The following ANO2 variants were observed in gnomAD, a reference collection of about 807,000 sequenced individuals.
ANO2 encodes anoctamin 2.
ANO2 carries 101 observed loss-of-function variants against 124.2 expected under a neutral mutation model. The observed-to-expected ratio is 0.81, with a 90% CI of 0.69 to 0.96. The LOEUF (loss-of-function observed/expected upper bound fraction) is 0.96, where lower values mean the gene tolerates loss of function less well. Among genes scored for constraint, ANO2 ranks in the 40% least tolerant of loss-of-function variants. The pLI is 0.00. For missense variants in ANO2, 1,293 were observed against 1,274.5 expected (o/e 1.01, Z -0.22); for synonymous variants, 486 against 482.5 (o/e 1.01, Z -0.09).
intron 3 of ANO2, among the ~76,000 whole-genome samples, chr12:5,903,870 T>A (rs1940496782): frequency 6.6e-6 from 1 of 152,166 alleles, no homozygotes; most frequent in Non-Finnish European, 1.5e-5. Context: ...AATGACTGAA[T>A]TAGCTCCCAC....
rs79046026 is a variant in ANO2 at position 5,884,394 on chromosome 12, G to A, written c.535-30253C>T. On this transcript the variant is annotated intron_variant, in intron 3 of 24. Transcript: ENST00000682330. Reference sequence around the variant, plus strand: ...CCCATAATTTAAAGTCTGTCCTTTCGTCCCCTTCCCCCATGGCCCTATCAC... The same window carrying A: ...CCCATAATTTAAAGTCTGTCCTTTCATCCCCTTCCCCCATGGCCCTATCAC... Among the ~76,000 whole-genome samples, 610 of 152,268 alleles carry A rather than the reference G, an allele frequency of 4.0e-3. 4 individuals are homozygous for A. Among genetic ancestry groups the A allele is most frequent in the African/African-American group, 0.014 (572 of 41,570 alleles).
chr12:5,568,713 G>T (rs964982209), intron 23 of ANO2, among the ~76,000 whole-genome samples: 1 of 152,140 alleles, frequency 6.6e-6, no homozygotes, highest in Non-Finnish European at 1.5e-5. Context: ...TTCCACCACC[G>T]TGATGCTGCG....
intron 14 of ANO2, among the ~76,000 whole-genome samples, chr12:5,690,810 C>T (rs1054639417): frequency 6.6e-6 from 1 of 152,116 alleles, no homozygotes; most frequent in African/African-American, 2.4e-5. Flanking sequence ...TCACCCCATC[C>T]TGAGCATAAA....
At chr12:5,873,510 C>T (rs903321366) in intron 3 of ANO2, among the ~76,000 whole-genome samples, 2 of 152,212 alleles carry the variant, frequency 1.3e-5, no homozygotes, top group African/African-American at 4.8e-5. Context: ...GGAATTTGGG[C>T]TGGGGCCCAT....
At chr12:5,637,062 T>TG (rs373411004) in intron 15 of ANO2, among the ~76,000 whole-genome samples, 304 of 144,364 alleles carry the variant, frequency 2.1e-3, no homozygotes, top group African/African-American at 7.2e-3. Flanking sequence ...GCCCCTCTTC[T>TG]GCTGCAGGGT....
At chr12:5,603,213 C>T (rs1388807106) in intron 19 of ANO2, among the ~76,000 whole-genome samples, 1 of 151,612 alleles carries the variant, frequency 6.6e-6, no homozygotes, top group Non-Finnish European at 1.5e-5. Flanking sequence ...AAATCATCTC[C>T]AGGAAAAAAA....
chr12:5,762,818 T>C (rs1471015502), intron 10 of ANO2, among the ~76,000 whole-genome samples: 1 of 148,786 alleles, frequency 6.7e-6, no homozygotes, highest in Non-Finnish European at 1.5e-5. Context: ...CTTGGAGTAT[T>C]GATAAGAGAT....
At chr12:5,903,848 T>C (rs917822455) in intron 3 of ANO2, among the ~76,000 whole-genome samples, 2 of 152,166 alleles carry the variant, frequency 1.3e-5, no homozygotes, top group African/African-American at 4.8e-5. Context: ...CAGCCTGGTT[T>C]AGGCTAAGAT....
intron 19 of ANO2, among the ~76,000 whole-genome samples, chr12:5,610,983 T>TTTTTTTTTGTTTTTTTTTTTG (rs1555100751): frequency 7.4e-5 from 9 of 121,656 alleles, no homozygotes; most frequent in Non-Finnish European, 1.4e-4. Context: ...TTTTTTTTTT[T>TTTTTTTTTGTTTTTTTTTTTG]TTTTTTGAGA....
chr12:5,946,199 A>G (rs151007412), upstream of ANO2: 111 of 1,613,028 alleles, frequency 6.9e-5, no homozygotes, highest in East Asian at 1.8e-3. The surrounding 1 kb of genome is among the most constrained non-coding windows in gnomAD (Gnocchi z 4.1). Context: ...TAGGCTGGTC[A>G]TGATAGATCC....
In ANO2 at chr12:5,830,507, G is replaced by T; in HGVS notation, c.786-18C>A. ...TGTTGTACCTGGAGACACCAAGAGAGCAGATGGCAAATTCATTTCATTACC... is the reference window on the plus strand; with the variant it reads ...TGTTGTACCTGGAGACACCAAGAGATCAGATGGCAAATTCATTTCATTACC... On this transcript the variant is annotated intron_variant, in intron 5 of 24. Transcript: ENST00000682330. 6.2e-7 allele frequency: 1 copy of T among 1,606,804 alleles called. No individual in the cohort carries two copies. The highest frequency in any genetic ancestry group is 8.5e-7 in the Non-Finnish European group (1 of 1,176,498).
intron 1 of ANO2, among the ~76,000 whole-genome samples, chr12:5,935,616 A>C (rs1229799035): frequency 1.3e-5 from 2 of 152,188 alleles, no homozygotes; most frequent in African/African-American, 4.8e-5. Context: ...GGAGAAAAAA[A>C]GTTCTGGAGA....
intron 10 of ANO2, among the ~76,000 whole-genome samples, chr12:5,796,661 C>T (rs894946542): frequency 4.6e-5 from 7 of 152,216 alleles, no homozygotes; most frequent in African/African-American, 1.7e-4. Context: ...TCAGCAGTCT[C>T]ACAGTGCAGC....
intron 14 of ANO2, among the ~76,000 whole-genome samples, chr12:5,663,633 C>T (rs1947555234): frequency 6.6e-6 from 1 of 152,160 alleles, no homozygotes; most frequent in African/African-American, 2.4e-5. Context: ...TCAGCCCATA[C>T]CCTGAAATGC....
intron 3 of ANO2, among the ~76,000 whole-genome samples, chr12:5,864,331 A>C (rs569517450): frequency 6.6e-6 from 1 of 152,370 alleles, no homozygotes; most frequent in South Asian, 2.1e-4. Flanking sequence ...AGCCCCAAAG[A>C]TGTTGGCAGA....
intron 23 of ANO2, among the ~76,000 whole-genome samples, chr12:5,568,723 G>A (rs1393369604): frequency 2.6e-5 from 4 of 152,130 alleles, no homozygotes; most frequent in Admixed American, 6.5e-5. Context: ...GTGATGCTGC[G>A]TGTTTTGTTT....
chr12:5,853,355 A>T (rs1410995754), intron 4 of ANO2, among the ~76,000 whole-genome samples: 15 of 147,648 alleles, frequency 1.0e-4, no homozygotes, highest in Non-Finnish European at 1.5e-5. Context: ...AAAAAAAAAA[A>T]CTACCTCAAA....
intron 7 of ANO2, among the ~76,000 whole-genome samples, chr12:5,808,296 C>T (rs946594697): frequency 6.6e-6 from 1 of 152,244 alleles, no homozygotes; most frequent in Non-Finnish European, 1.5e-5. Flanking sequence ...GGCTCTGTCC[C>T]TCCAACTCCA....
chr12:5,683,342 C>T (rs1948580656), intron 14 of ANO2, among the ~76,000 whole-genome samples: 1 of 152,148 alleles, frequency 6.6e-6, no homozygotes, highest in Non-Finnish European at 1.5e-5. Flanking sequence ...GATGAAGTGG[C>T]AGAGGTCTTT....
Sources: gnomAD v4.1 joint callset for allele counts (sites outside exome capture counted in the v4.1 genomes callset) on GRCh38, gnomAD v4.1.1 for gene constraint, Gnocchi (gnomAD v3.1) non-coding constraint, MANE v1.5 for transcripts, NCBI Gene and HGNC (gene_info 2026-07-23, HGNC 2026-07-21) for gene names.